The following TACC2 variants were observed in gnomAD, a reference collection of about 807,000 sequenced individuals.
TACC2 encodes transforming acidic coiled-coil-containing protein 2.
TACC2 carries 137 observed loss-of-function variants against 227.3 expected under a neutral mutation model. The ratio of observed to expected loss-of-function variants is 0.60; its 90% CI spans 0.52 to 0.69. The LOEUF is 0.69. Ranked by LOEUF, TACC2 falls within the 30% of genes least tolerant of loss-of-function variation. The pLI, the probability that TACC2 is intolerant of heterozygous loss-of-function variation, is 0.00. For missense variants in TACC2, 3,470 were observed against 3,694.4 expected, an observed-to-expected ratio of 0.94 and a Z score of 1.57; for synonymous variants, 1,523 against 1,487.5, an observed-to-expected ratio of 1.02 and a Z score of -0.55.
At position 122,087,021 on chromosome 10, in the gene TACC2, G is replaced by T. The variant is rs1290319071; in HGVS notation, c.4521G>T (p.Arg1507=). 2 of 1,613,786 alleles carry T rather than the reference G, an allele frequency of 1.2e-6. No individual in the cohort carries two copies. The highest frequency in any genetic ancestry group is 2.2e-5 in the South Asian group (2 of 91,090). ...GTCCAGCAGGGCTGACCTGGGAGCG[G>T]AACTTGCCAGGTGCCGGTGTGGGGA... ...LLGPAGLTWE[R]NLPGAGVGKE... Residue 1507 remains arginine (R), a synonymous_variant, in exon 4 of 23, where the codon CGG becomes CGT. Coordinates refer to ENST00000369005, the MANE Select transcript of TACC2 (RefSeq NM_206862.4).
chr10:122,027,623 A>G (rs998883011), intron 2 of TACC2, among the ~76,000 whole-genome samples: 6 of 152,200 alleles, frequency 3.9e-5, no homozygotes, highest in African/African-American at 1.4e-4. Flanking sequence ...ATAAGGCTTG[A>G]AATCAGGTAC....
chr10:122,229,241 G>A (rs1432859043), intron 14 of TACC2, 105 bp from the exon 15 acceptor site: 2 of 1,401,216 alleles, frequency 1.4e-6, no homozygotes, highest in African/African-American at 1.4e-5. Context: ...TTAGCCTCAA[G>A]GCAAAAATGT....
chr10:122,086,341 G>A lies in TACC2; in HGVS notation c.3841G>A (p.Ala1281Thr). The A allele has an allele frequency of 6.2e-7, 1 of 1,613,808 alleles. No homozygotes were observed. Among genetic ancestry groups the A allele is most frequent in the Non-Finnish European group, 8.5e-7 (1 of 1,180,020 alleles). ...GGAGCCCCCACTTGCCTTGGAAAAT[G>A]CTGCCTCCTTGAAGCTGTTTGCTGG... ...VGEPPLALEN[A>T]ASLKLFAGSL... The change falls in exon 4 of 23, where the codon GCT becomes ACT. Residue 1281 changes from alanine to threonine, a missense_variant. Around this residue, in one of 10 missense-constraint regions of TACC2, gnomAD observed 1,924 missense variants for 1,978.3 expected, o/e 0.97. Coordinates refer to ENST00000369005, the MANE Select transcript of TACC2 (RefSeq NM_206862.4).
At chr10:122,207,260 C>T (rs966042477) in intron 8 of TACC2, among the ~76,000 whole-genome samples, 3 of 150,528 alleles carry the variant, frequency 2.0e-5, no homozygotes, top group Non-Finnish European at 4.4e-5. Flanking sequence ...GATCGCACCA[C>T]TGCACTCCAG....
intron 7 of TACC2, among the ~76,000 whole-genome samples, chr10:122,177,683 G>GGGAGGAGATAA (rs2093785830): frequency 6.6e-6 from 1 of 152,162 alleles, no homozygotes; most frequent in Non-Finnish European, 1.5e-5. Flanking sequence ...CAAGCCTCTG[G>GGGAGGAGATAA]GGCCATGATC....
intron 3 of TACC2, among the ~76,000 whole-genome samples, chr10:122,076,061 A>G (rs1483606270): frequency 1.3e-5 from 2 of 152,124 alleles, no homozygotes; most frequent in Non-Finnish European, 1.5e-5. Context: ...CGGCCTCCCA[A>G]AGTGGTGGGA....
rs116091826 is a variant in TACC2, at chr10:122,072,754, T to C, written c.147-9893T>C. 3.6e-3 allele frequency among the ~76,000 whole-genome samples: 541 copies of C among 152,284 alleles called. 4 individuals are homozygous for C. Among genetic ancestry groups the C allele is most frequent in the African/African-American group, 0.012 (514 of 41,566 alleles). The stretch of plus-strand genomic sequence containing the variant: ...TTAAAAATATGTATTTCTTCACTTA[T>C]TTATGTATGCCATCATTCAGTCACT... On this transcript the variant is annotated intron_variant, in intron 3 of 22. Transcript: ENST00000369005.
At chr10:122,163,729 C>A (rs983200476) in intron 7 of TACC2, 3 of 1,163,236 alleles carry the variant, frequency 2.6e-6, no homozygotes, top group South Asian at 4.3e-5. Flanking sequence ...GCGGCGCTCG[C>A]CCCCCGGCCC....
chr10:122,142,086 A>C (rs2090654505), intron 6 of TACC2, among the ~76,000 whole-genome samples: 1 of 152,242 alleles, frequency 6.6e-6, no homozygotes, highest in African/African-American at 2.4e-5. Flanking sequence ...TCCATCTGTG[A>C]ATCCACTTTG....
At chr10:122,253,505 C>A (rs533893171) in intron 22 of TACC2, among the ~76,000 whole-genome samples, 1 of 152,232 alleles carries the variant, frequency 6.6e-6, no homozygotes, top group East Asian at 1.9e-4. Flanking sequence ...GTAGCCACAG[C>A]ATCACCTATT....
chr10:122,254,309 T>A lies in TACC2; in HGVS notation c.*253T>A. ...GAGTTCCTGTATCAGGGAGATTGTCTGATTCTCTAATAAAAGACACATTGC... is the reference window on the plus strand; with the variant it reads ...GAGTTCCTGTATCAGGGAGATTGTCAGATTCTCTAATAAAAGACACATTGC... On this transcript the variant is annotated 3_prime_UTR_variant, in exon 23 of 23. Coordinates refer to ENST00000369005, the MANE Select transcript of TACC2 (RefSeq NM_206862.4). 3.9e-6 allele frequency: 2 copies of A among 511,278 alleles called. No homozygotes were observed. The highest frequency in any genetic ancestry group is 4.0e-5 in the South Asian group (2 of 50,538). The allele number at this position is 511,278 out of a possible 1,614,324, so 31.7% of individuals were successfully genotyped here.
At chr10:122,216,043 C>T (rs1448164192) in intron 10 of TACC2, among the ~76,000 whole-genome samples, 3 of 152,290 alleles carry the variant, frequency 2.0e-5, no homozygotes, top group Admixed American at 6.5e-5. Context: ...GACCTGCCAC[C>T]CCTCCAAATC....
At chr10:121,995,084 C>T (rs1326021426) in intron 1 of TACC2, among the ~76,000 whole-genome samples, 3 of 152,142 alleles carry the variant, frequency 2.0e-5, no homozygotes, top group African/African-American at 7.2e-5. Flanking sequence ...GAGAGAACCC[C>T]TAAGGCCCTG....
intron 5 of TACC2, chr10:122,126,895 G>T (rs1488816304): frequency 6.6e-6 from 1 of 152,268 alleles, no homozygotes; most frequent in Non-Finnish European, 1.5e-5. Context: ...AAATTCCTGT[G>T]TTGAAATCCT....
chr10:122,163,558 G>A (rs1316389428), intron 7 of TACC2: 1 of 993,892 alleles, frequency 1.0e-6, no homozygotes, highest in Non-Finnish European at 1.2e-6. Flanking sequence ...CGGCGATGAT[G>A]ACATCATCGT....
chr10:122,222,480 C>T (rs1157467291), intron 11 of TACC2, among the ~76,000 whole-genome samples: 1 of 152,208 alleles, frequency 6.6e-6, no homozygotes. Flanking sequence ...CTTCTGAAAC[C>T]AGGCATCTCA....
At chr10:122,070,870 G>A (rs1405605810) in intron 3 of TACC2, among the ~76,000 whole-genome samples, 3 of 151,876 alleles carry the variant, frequency 2.0e-5, no homozygotes, top group Non-Finnish European at 4.4e-5. Context: ...GTGGCAATGA[G>A]CTGAGATTGC....
chr10:122,000,761 C>G (rs1457022861), intron 1 of TACC2, among the ~76,000 whole-genome samples: 2 of 152,054 alleles, frequency 1.3e-5, no homozygotes, highest in African/African-American at 4.8e-5. Flanking sequence ...ATCTGCCTTC[C>G]TCCCTCCACT....
intron 5 of TACC2, among the ~76,000 whole-genome samples, chr10:122,111,559 C>T (rs1042611972): frequency 2.0e-5 from 3 of 152,128 alleles, no homozygotes; most frequent in Non-Finnish European, 4.4e-5. Flanking sequence ...GGTGCAACCT[C>T]GGCTCACTGC....
Sources: allele counts gnomAD v4.1 joint callset (sites outside exome capture counted in the v4.1 genomes callset), GRCh38; gene constraint gnomAD v4.1.1; regional missense constraint gnomAD v4.1.1; transcripts MANE v1.5; gene names NCBI Gene and HGNC (gene_info 2026-07-23, HGNC 2026-07-21).